ITGBL1: variants seen among roughly 807,000 people sequenced by gnomAD.
The protein encoded by ITGBL1 is integrin subunit beta like 1.
ITGBL1 carries 51 observed loss-of-function variants against 68.5 expected under a neutral mutation model. The observed-to-expected ratio is 0.74, with a 90% CI of 0.59 to 0.94. The LOEUF (loss-of-function observed/expected upper bound fraction) is 0.94. ITGBL1 is among the 40% of genes least tolerant of loss of function. The probability of loss-of-function intolerance (pLI) is 0.00; values close to 1 mark genes in which losing one functional copy is unlikely to be tolerated. For synonymous variants in ITGBL1, 209 were observed against 227.3 expected, an observed-to-expected ratio of 0.92 and a Z score of 0.72; for missense variants, 649 against 647.4, an observed-to-expected ratio of 1.00 and a Z score of -0.03.
At chr13:101,515,732 T>C (rs1466732673) in intron 2 of ITGBL1, among the ~76,000 whole-genome samples, 1 of 152,032 alleles carries the variant, frequency 6.6e-6, no homozygotes, top group Non-Finnish European at 1.5e-5. Flanking sequence ...GAACAGACTT[T>C]GAAGTTTCTT....
intron 9 of ITGBL1, among the ~76,000 whole-genome samples, chr13:101,709,861 G>A (rs557833657): frequency 6.6e-6 from 1 of 152,340 alleles, no homozygotes; most frequent in African/African-American, 2.4e-5. Flanking sequence ...ACAAATAGCA[G>A]TCTTCCATTT....
At chr13:101,585,472 C>G (rs760587172) in intron 6 of ITGBL1, among the ~76,000 whole-genome samples, 6 of 152,130 alleles carry the variant, frequency 3.9e-5, no homozygotes, top group Admixed American at 3.3e-4. Flanking sequence ...CCTCTGTTGC[C>G]CAGGCTGGAG....
At chr13:101,513,427 C>T (rs1040037760) in intron 2 of ITGBL1, among the ~76,000 whole-genome samples, 3 of 151,964 alleles carry the variant, frequency 2.0e-5, no homozygotes, top group African/African-American at 7.2e-5. Flanking sequence ...TCCAATAAGC[C>T]TCCCAAGTGA....
intron 7 of ITGBL1, among the ~76,000 whole-genome samples, chr13:101,615,210 C>T (rs1594931910): frequency 6.6e-6 from 1 of 152,028 alleles, no homozygotes; most frequent in African/African-American, 2.4e-5. Context: ...TGTGTCCAAG[C>T]TCCCTTCTCC....
At chr13:101,678,971 A>G (rs1040337714) in intron 7 of ITGBL1, among the ~76,000 whole-genome samples, 2 of 151,060 alleles carry the variant, frequency 1.3e-5, no homozygotes, top group Non-Finnish European at 1.5e-5. Flanking sequence ...GCTAGAGTGC[A>G]GTGGTGTGAT....
intron 7 of ITGBL1, among the ~76,000 whole-genome samples, chr13:101,687,773 T>C (rs1435442548): frequency 6.6e-6 from 1 of 152,144 alleles, no homozygotes; most frequent in Non-Finnish European, 1.5e-5. Context: ...TTGGATGATA[T>C]TGATGATGTT....
chr13:101,520,263 A>G (rs1404282839), intron 2 of ITGBL1, among the ~76,000 whole-genome samples: 3 of 152,226 alleles, frequency 2.0e-5, no homozygotes, highest in African/African-American at 7.2e-5. Context: ...CACAAAATAA[A>G]TAAGATGTTA....
At chr13:101,538,294 G>T (rs1375314811) in intron 2 of ITGBL1, among the ~76,000 whole-genome samples, 1 of 151,860 alleles carries the variant, frequency 6.6e-6, no homozygotes, top group Non-Finnish European at 1.5e-5. Context: ...GAAGGAAACA[G>T]TTTACTGGGG....
At chr13:101,623,722 G>A (rs911284227) in intron 7 of ITGBL1, among the ~76,000 whole-genome samples, 2 of 152,176 alleles carry the variant, frequency 1.3e-5, no homozygotes, top group Non-Finnish European at 2.9e-5. Context: ...AATTTAAAGG[G>A]AGACTCATGA....
chr13:101,506,918 T>C (rs540046145), intron 2 of ITGBL1, among the ~76,000 whole-genome samples: 2 of 152,140 alleles, frequency 1.3e-5, no homozygotes, highest in South Asian at 2.1e-4. Flanking sequence ...GGTTTGAAGA[T>C]GTAATTGGAA....
intron 9 of ITGBL1, 68 bp from the exon 10 acceptor site, chr13:101,714,370 G>A (rs562507900): frequency 2.5e-5 from 23 of 911,354 alleles, no homozygotes; most frequent in Admixed American, 5.1e-5. Flanking sequence ...GTGTGTCAAC[G>A]ATATTCTATT....
intron 7 of ITGBL1, among the ~76,000 whole-genome samples, chr13:101,662,781 A>C (rs978682426): frequency 1.3e-5 from 2 of 152,014 alleles, no homozygotes; most frequent in East Asian, 3.8e-4. Flanking sequence ...GGTCTCACTT[A>C]TGGTTACATT....
At chr13:101,646,803 G>A (rs943352613) in intron 7 of ITGBL1, among the ~76,000 whole-genome samples, 3 of 151,992 alleles carry the variant, frequency 2.0e-5, no homozygotes, top group African/African-American at 7.3e-5. Flanking sequence ...ACTTTTCAAA[G>A]GACAGTGAAA....
intron 2 of ITGBL1, among the ~76,000 whole-genome samples, chr13:101,547,657 G>A (rs1364220931): frequency 6.6e-6 from 1 of 151,424 alleles, no homozygotes. Context: ...TCAACAGGAT[G>A]GCTACAGTCA....
At chr13:101,652,365 A>G (rs565498488) in intron 7 of ITGBL1, among the ~76,000 whole-genome samples, 2 of 152,260 alleles carry the variant, frequency 1.3e-5, no homozygotes, top group South Asian at 4.1e-4. Context: ...TAAGTTACCT[A>G]AACCCTGTAA....
At chr13:101,713,371 C>T (rs1053681178) in intron 9 of ITGBL1, 2 of 152,036 alleles carry the variant, frequency 1.3e-5, no homozygotes, top group Admixed American at 6.6e-5. Context: ...TTGAACTTAC[C>T]AATTCTGCAG....
At chr13:101,526,813 AT>A (rs1183281795) in intron 2 of ITGBL1, among the ~76,000 whole-genome samples, 1 of 151,778 alleles carries the variant, frequency 6.6e-6, no homozygotes, top group Non-Finnish European at 1.5e-5. Context: ...TCTGCTTATA[AT>A]TTTTTCTGAA....
intron 2 of ITGBL1, 140 bp downstream of exon 2, chr13:101,454,240 T>C: frequency 2.1e-6 from 1 of 482,504 alleles, no homozygotes; most frequent in Non-Finnish European, 3.4e-6. Flanking sequence ...TTGTCACACT[T>C]TGGCTAGTTA....
In ITGBL1 at chr13:101,657,583, C is replaced by T. The variant is rs2139469561; in HGVS notation, c.1016-35002C>T. ...CAAATTAGCTAAATATGCCTAAACT[C>T]TAATGGTGTTGTTGTAGATTTTTTA... On this transcript the variant is annotated intron_variant, in intron 7 of 10. Coordinates refer to ENST00000376180, the MANE Select transcript of ITGBL1 (RefSeq NM_004791.3). 2.0e-5 allele frequency among the ~76,000 whole-genome samples: 3 copies of T among 152,260 alleles called. No individual in the cohort carries two copies. In the South Asian group the frequency reaches 6.2e-4, roughly 32 times the overall value.
Sources: gnomAD v4.1 joint callset for allele counts (sites outside exome capture counted in the v4.1 genomes callset) on GRCh38, gnomAD v4.1.1 for gene constraint, MANE v1.5 for transcripts, NCBI Gene and HGNC (gene_info 2026-07-23, HGNC 2026-07-21) for gene names.